Variants in GKN1 observed in about 807,000 individuals in gnomAD.
GKN1 encodes the protein gastrokine 1.
In GKN1, 17 loss-of-function variants were observed where a neutral mutation model predicts 19.7. That is an observed-to-expected ratio of 0.86 (90% CI 0.59 to 1.29). The LOEUF (loss-of-function observed/expected upper bound fraction) is 1.29, where lower values mean the gene tolerates loss of function less well. Among genes scored for constraint, GKN1 ranks in the 50% most tolerant of loss-of-function variants. The pLI is 0.00. For missense variants in GKN1, 218 were observed against 224.5 expected (o/e 0.97, Z 0.19); for synonymous variants, 96 against 78.3 (o/e 1.23, Z -1.20).
intron 4 of GKN1, among the ~76,000 whole-genome samples, chr2:68,979,630 T>C (rs968631865): frequency 6.6e-6 from 1 of 152,208 alleles, no homozygotes; most frequent in Non-Finnish European, 1.5e-5. Context: ...ATCCAAGGAA[T>C]CTATGATGAC....
rs1176940538 is a variant in GKN1 at position 68,979,981 on chromosome 2, C to T, written c.384C>T (p.Val128=). The part of the protein sequence containing the change: ...GLMYSVNPNK[V]DDLSKFGKNI... ...TGTACTCAGTCAACCCAAACAAAGT[C>T]GATGACCTGAGCAAGTTCGGAAAAA... Residue 128 remains valine (V), a synonymous_variant, in exon 5 of 6, where the codon GTC becomes GTT. Coordinates refer to ENST00000377938, the MANE Select transcript of GKN1 (RefSeq NM_019617.4). 4.3e-6 allele frequency: 7 copies of T among 1,613,210 alleles called. No individual in the cohort carries two copies. The highest frequency in any genetic ancestry group is 2.2e-5 in the South Asian group (2 of 91,052).
chr2:68,975,228 A>G lies in GKN1; in HGVS notation c.12+539A>G, dbSNP rs559627877. Among the ~76,000 whole-genome samples the G allele has an allele frequency of 8.2e-4, 125 of 152,224 alleles. 1 individual carries two copies. The South Asian group carries it at 0.014, about 17-fold the overall frequency. On this transcript the variant is annotated intron_variant, in intron 1 of 5. Transcript: ENST00000377938. Reference sequence around the variant, plus strand: ...TTGAATTCCTCCTTTTATTTACCAAAATTCCTGAGCATGTTCAGGAAAGAT... The same window carrying G: ...TTGAATTCCTCCTTTTATTTACCAAGATTCCTGAGCATGTTCAGGAAAGAT...
intron 5 of GKN1, 76 bp downstream of exon 5, chr2:68,980,136 T>C (rs1670338106): frequency 3.2e-6 from 4 of 1,263,412 alleles, no homozygotes; most frequent in Non-Finnish European, 4.6e-6. Flanking sequence ...GTGTCCATAG[T>C]GGGCACCAGT....
chr2:68,980,127 T>A, intron 5 of GKN1, 67 bp downstream of exon 5: 1 of 1,317,420 alleles, frequency 7.6e-7, no homozygotes, highest in Non-Finnish European at 1.1e-6. Flanking sequence ...TCCTCGCGCG[T>A]GTCCATAGTG....
At chr2:68,979,291 G>T (rs574834269) in intron 4 of GKN1, among the ~76,000 whole-genome samples, 7 of 152,188 alleles carry the variant, frequency 4.6e-5, no homozygotes, top group South Asian at 4.1e-4. Context: ...GTTAGTTAGG[G>T]TTATTAGATT....
In GKN1 at chr2:68,977,739, TG is replaced by T; in HGVS notation, c.172del (p.Asp58ThrfsTer29). ...GGCCAATGTTGACAATAACAACGGA[TG>T]GGACTCCTGGAATTCCATCTGGGAT... ...NVANVDNNNG[W>X]DSWNSIWDYG... is the part of the protein sequence containing the mutation. On this transcript the variant is annotated frameshift_variant, in exon 3 of 6. Coordinates refer to ENST00000377938, the MANE Select transcript of GKN1 (RefSeq NM_019617.4). LOFTEE classifies it high-confidence loss of function. 6.2e-7 allele frequency: 1 copy of T among 1,611,604 alleles called. No individual in the cohort carries two copies.
At chr2:68,977,413 A>G in intron 1 of GKN1, 82 bp from the exon 2 acceptor site, 1 of 956,650 alleles carries the variant, frequency 1.0e-6, no homozygotes. Flanking sequence ...ATTAGTGAAT[A>G]CTTTTCATAA....
At chr2:68,979,455 T>C (rs1056951746) in intron 4 of GKN1, among the ~76,000 whole-genome samples, 1 of 152,260 alleles carries the variant, frequency 6.6e-6, no homozygotes, top group East Asian at 1.9e-4. Context: ...ATTGTATATT[T>C]TGTCTGGCCA....
At chr2:68,980,143 C>G in intron 5 of GKN1, 83 bp downstream of exon 5, 5 of 1,174,158 alleles carry the variant, frequency 4.3e-6, no homozygotes, top group Non-Finnish European at 6.4e-6. Context: ...TAGTGGGCAC[C>G]AGTGATGCAG....
chr2:68,979,289 G>A (rs2103925478), intron 4 of GKN1, among the ~76,000 whole-genome samples: 1 of 152,308 alleles, frequency 6.6e-6, no homozygotes, highest in Non-Finnish European at 1.5e-5. Context: ...GAGTTAGTTA[G>A]GGTTATTAGA....
At chr2:68,976,182 A>G (rs377082052) in intron 1 of GKN1, among the ~76,000 whole-genome samples, 146 of 152,262 alleles carry the variant, frequency 9.6e-4, no homozygotes, top group African/African-American at 3.2e-3. Flanking sequence ...GATTATTTCT[A>G]TTAGGAAGAA....
At position 68,977,649 on chromosome 2, in the gene GKN1, A is replaced by G. The variant is rs762694170; in HGVS notation, c.79A>G (p.Asn27Asp). ...TTATAAACTTCAGAATATCAACGTC[A>G]ATGATGACAACAACAATGCTGGAAG... ...PALANYNINV[N>D]DDNNNAGSGQ... The change falls in exon 3 of 6, where the codon AAT becomes GAT. Residue 27 changes from asparagine to aspartate, a missense_variant. Transcript: ENST00000377938. 6.2e-7 allele frequency: 1 copy of G among 1,611,080 alleles called. No homozygotes were observed. The highest frequency in any genetic ancestry group is 1.3e-5 in the African/African-American group (1 of 74,866).
rs372440745 is a variant in GKN1 at position 68,976,087 on chromosome 2, C to T, written c.12+1398C>T. On this transcript the variant is annotated intron_variant, in intron 1 of 5. Coordinates refer to ENST00000377938, the MANE Select transcript of GKN1 (RefSeq NM_019617.4). ...CGCCTCTGCTGATCACTCTTGCCAG[C>T]GAGACACTCTATACTTGCTTTCTCA... is the stretch of plus-strand genomic sequence containing the variant. 3.3e-4 allele frequency among the ~76,000 whole-genome samples: 50 copies of T among 152,112 alleles called. No individual in the cohort carries two copies. In the South Asian group the frequency reaches 0.01, roughly 31 times the overall value.
At chr2:68,974,762 C>T (rs4417751) in intron 1 of GKN1, 73 bp downstream of exon 1, 624,163 of 1,003,268 alleles carry the variant, frequency 0.62, 196,441 homozygotes, top group East Asian at 0.79. Flanking sequence ...TTTAGGAGGT[C>T]TGCTTCTTAT....
At chr2:68,975,399 C>T (rs1034179559) in intron 1 of GKN1, among the ~76,000 whole-genome samples, 9 of 152,174 alleles carry the variant, frequency 5.9e-5, no homozygotes, top group Non-Finnish European at 1.5e-5. Flanking sequence ...GAAGCTACCA[C>T]AGCATCTCTC....
Position 68,977,657 on chromosome 2 carries a change from C to A in GKN1, c.87C>A (p.Asp29Glu). 1 of 1,610,362 alleles carries A rather than the reference C, an allele frequency of 6.2e-7. No individual in the cohort carries two copies. The highest frequency in any genetic ancestry group is 8.5e-7 in the Non-Finnish European group (1 of 1,176,614). The change falls in exon 3 of 6, where the codon GAC becomes GAA. Residue 29 changes from aspartate to glutamate, a missense_variant. Asp to Glu is a conservative substitution (Grantham distance 45). Coordinates refer to ENST00000377938, the MANE Select transcript of GKN1 (RefSeq NM_019617.4). ...LANYNINVND[D>E]NNNAGSGQQS... ...TTCAGAATATCAACGTCAATGATGA[C>A]AACAACAATGCTGGAAGTGGGCAGC...
rs756318495 is a variant in GKN1 at position 68,978,883 on chromosome 2, A to G, written c.217A>G (p.Thr73Ala). ...IWDYGNGFAA[T>A]RLFQKKTCIV... ...TCTACTTTAACAGGGCTTTGCTGCA[A>G]CCAGACTCTTTCAAAAGAAGACATG... Residue 73 changes from threonine (T) to alanine (A), a missense_variant, in exon 4 of 6, where the codon ACC becomes GCC. Physicochemically the swap from Thr to Ala is moderately conservative, Grantham distance 58. Transcript: ENST00000377938. 4.4e-6 allele frequency: 7 copies of G among 1,604,248 alleles called. No homozygotes were observed. In the African/African-American group the frequency reaches 8.0e-5, roughly 18 times the overall value.
intron 1 of GKN1, among the ~76,000 whole-genome samples, chr2:68,975,487 G>T (rs1197390594): frequency 1.3e-5 from 2 of 152,000 alleles, no homozygotes; most frequent in African/African-American, 4.8e-5. Flanking sequence ...AGTAGTGCCG[G>T]GTTTCTCACA....
chr2:68,978,718 G>T (rs1001431795), intron 3 of GKN1, among the ~76,000 whole-genome samples, 153 bp from the exon 4 acceptor site: 1 of 152,186 alleles, frequency 6.6e-6, no homozygotes, highest in South Asian at 2.1e-4. Flanking sequence ...GTCAGCAATA[G>T]ATATGATTGC....
Sources: gnomAD v4.1 joint callset for allele counts (sites outside exome capture counted in the v4.1 genomes callset) on GRCh38, gnomAD v4.1.1 for gene constraint, MANE v1.5 for transcripts, NCBI Gene and HGNC (gene_info 2026-07-23, HGNC 2026-07-21) for gene names.